Variants in PPP4R1 observed in about 807,000 individuals in gnomAD.
PPP4R1 encodes protein phosphatase 4 regulatory subunit 1, also known as serine/threonine-protein phosphatase 4 regulatory subunit 1.
Under a neutral mutation model 111.2 loss-of-function variants are expected in PPP4R1, and 42 were observed. The observed-to-expected ratio is 0.38, with a 90% confidence interval of 0.29 to 0.49. The LOEUF (loss-of-function observed/expected upper bound fraction) is 0.49, where lower values mean the gene tolerates loss of function less well. Among genes scored for constraint, PPP4R1 ranks in the 20% least tolerant of loss-of-function variants. The pLI is 0.97. For missense variants in PPP4R1, 1,012 were observed against 1,161.6 expected, an observed-to-expected ratio of 0.87 and a Z score of 1.87; for synonymous variants, 409 against 405.5, an observed-to-expected ratio of 1.01 and a Z score of -0.10.
chr18:9,562,771 G>A (rs2066699379), intron 12 of PPP4R1, among the ~76,000 whole-genome samples: 1 of 152,126 alleles, frequency 6.6e-6, no homozygotes, highest in Admixed American at 6.6e-5. Context: ...AATCGGTGGT[G>A]CATTCCTTCT....
At chr18:9,609,421 T>G (rs2067539618) in intron 2 of PPP4R1, among the ~76,000 whole-genome samples, 1 of 152,200 alleles carries the variant, frequency 6.6e-6, no homozygotes, top group Admixed American at 6.5e-5. Context: ...GAACTGGTTT[T>G]GAAACATGGT....
intron 8 of PPP4R1, 33 bp downstream of exon 8, chr18:9,584,482 C>T (rs747868178): frequency 3.2e-6 from 5 of 1,572,158 alleles, no homozygotes; most frequent in South Asian, 1.2e-5. Context: ...TTGTAACACA[C>T]ACTGTTTACT....
intron 13 of PPP4R1, among the ~76,000 whole-genome samples, chr18:9,561,529 G>A (rs2066677396): frequency 6.6e-6 from 1 of 152,138 alleles, no homozygotes; most frequent in Admixed American, 6.5e-5. Context: ...GATTCCGTGA[G>A]CACAGTTTCC....
At chr18:9,569,878 T>A (rs2066830997) in intron 11 of PPP4R1, among the ~76,000 whole-genome samples, 1 of 152,036 alleles carries the variant, frequency 6.6e-6, no homozygotes, top group African/African-American at 2.4e-5. Flanking sequence ...GTTTCCCAAG[T>A]TGCTAGGACT....
In PPP4R1 at chr18:9,563,462, C is replaced by T. The variant is rs1021877589; in HGVS notation, c.1662G>A (p.Leu554=). 6.2e-7 allele frequency: 1 copy of T among 1,608,208 alleles called. No homozygotes were observed. The highest frequency in any genetic ancestry group is 8.5e-7 in the Non-Finnish European group (1 of 1,175,004). The change falls in exon 12 of 20, where the codon TTG becomes TTA. Residue 554 remains leucine (L), a synonymous_variant. Coordinates refer to ENST00000400556, the MANE Select transcript of PPP4R1 (RefSeq NM_001042388.3). ...ETISIEKRSD[L]QDELDINELP... ...GCTCATTTATATCCAGTTCATCTTG[C>T]AAATCACTTCTCTTTTCTATACTGA...
chr18:9,563,762 G>T, intron 11 of PPP4R1: 1 of 428,028 alleles, frequency 2.3e-6, no homozygotes, highest in Non-Finnish European at 4.1e-6. Context: ...GATTAAAAAT[G>T]TTTATCTGCT....
chr18:9,610,841 T>C (rs2067566487), intron 2 of PPP4R1, among the ~76,000 whole-genome samples: 1 of 149,820 alleles, frequency 6.7e-6, no homozygotes, highest in Admixed American at 6.7e-5. Context: ...TAAGTTCTAA[T>C]GAAACTCCTT....
At position 9,579,517 on chromosome 18, in the gene PPP4R1, C is replaced by CGTGTGTGTGT. The variant is rs3974278; in HGVS notation, c.919-2336_919-2327dup. On this transcript the variant is annotated intron_variant, in intron 9 of 19. Transcript: ENST00000400556. The stretch of plus-strand genomic sequence containing the variant: ...CACCTAAATAGGCATAGGATTTACA[C>CGTGTGTGTGT]GTGTGTGTGTGTGTGTGTGTGTGTG... 9.4e-3 allele frequency among the ~76,000 whole-genome samples: 1,389 copies of CGTGTGTGTGT among 147,844 alleles called. 11 individuals are homozygous for CGTGTGTGTGT. Among genetic ancestry groups the CGTGTGTGTGT allele is most frequent in the African/African-American group, 0.027 (1,082 of 40,006 alleles).
In PPP4R1 at chr18:9,577,081, T is replaced by A. The variant is rs894561682; in HGVS notation, c.1029A>T (p.Ser343=). 4.5e-6 allele frequency: 7 copies of A among 1,569,452 alleles called. No homozygotes were observed. The highest frequency in any genetic ancestry group is 6.0e-6 in the Non-Finnish European group (7 of 1,158,374). ...KEESKSSEEM[S]VENKNRTRDQ... is the part of the protein sequence containing the mutation. ...AATTATACCTATTTTTGTTTTCTAC[T>A]GACATCTCTTCTGAACTTTTGCTTT... The change falls in exon 10 of 20, where the codon TCA becomes TCT. Residue 343 remains serine (S), a synonymous_variant. Coordinates refer to ENST00000400556, the MANE Select transcript of PPP4R1 (RefSeq NM_001042388.3).
At chr18:9,595,201 T>C (rs770588021) in intron 2 of PPP4R1, 48 bp from the exon 3 acceptor site, 1 of 1,584,066 alleles carries the variant, frequency 6.3e-7, no homozygotes, top group Non-Finnish European at 8.6e-7. Flanking sequence ...GAAACTAAAA[T>C]GTACCCCTTG....
chr18:9,591,346 C>CG (rs112843843), intron 4 of PPP4R1, among the ~76,000 whole-genome samples: 1 of 127,886 alleles, frequency 7.8e-6, no homozygotes, highest in African/African-American at 2.8e-5. Flanking sequence ...GACTCCATCT[C>CG]CAAAAAAAAA....
At position 9,563,398 on chromosome 18, in the gene PPP4R1, A is replaced by C; in HGVS notation, c.1726T>G (p.Leu576Val). ...GTTACCTCAACAGCATCGCTGATTAAAGGCACAGAATCTTCTTGATTTATT... is the reference window on the plus strand; with the variant it reads ...GTTACCTCAACAGCATCGCTGATTACAGGCACAGAATCTTCTTGATTTATT... The part of the protein sequence containing the change: ...CKINQEDSVP[L>V]ISDAVENMDS... Residue 576 changes from leucine to valine, a missense_variant, in exon 12 of 20, where the codon TTA becomes GTA. Physicochemically the swap from Leu to Val is conservative, Grantham distance 32. Coordinates refer to ENST00000400556, the MANE Select transcript of PPP4R1 (RefSeq NM_001042388.3). The C allele has an allele frequency of 6.2e-7, 1 of 1,612,458 alleles. No individual in the cohort carries two copies. Among genetic ancestry groups the C allele is most frequent in the South Asian group, 1.1e-5 (1 of 90,842 alleles).
chr18:9,584,217 G>C (rs2067078116), intron 8 of PPP4R1, among the ~76,000 whole-genome samples: 1 of 152,106 alleles, frequency 6.6e-6, no homozygotes. Context: ...ACATTCTTGA[G>C]GGTTGCAATA....
chr18:9,588,363 A>G lies in PPP4R1; in HGVS notation c.439-128T>C, dbSNP rs2067155341. 8 of 1,009,678 alleles carry G rather than the reference A, an allele frequency of 7.9e-6. No individual in the cohort carries two copies. In the East Asian group the frequency reaches 1.8e-4, roughly 23 times the overall value. 62.5% of individuals were successfully genotyped at this position (1,009,678 alleles called of 1,614,324 possible). On this transcript the variant is annotated intron_variant, in intron 5 of 19. Transcript: ENST00000400556. ...AACTGGCAAAACTCCGCAAATAAAT[A>G]TTTGTGTTTATTTTCTTCAACTATT...
upstream of PPP4R1, among the ~76,000 whole-genome samples, chr18:9,616,063 C>T (rs1256470066): frequency 6.6e-6 from 1 of 152,038 alleles, no homozygotes; most frequent in Non-Finnish European, 1.5e-5. Flanking sequence ...TCTCTTCCTC[C>T]CTTGGTGAAT....
intron 11 of PPP4R1, among the ~76,000 whole-genome samples, chr18:9,569,087 T>G (rs1272787028): frequency 1.3e-5 from 2 of 149,674 alleles, no homozygotes; most frequent in Non-Finnish European, 3.0e-5. Flanking sequence ...TCCCAGCTAC[T>G]CGGGAAGCTG....
At chr18:9,594,815 C>G in intron 3 of PPP4R1, 1 of 466,834 alleles carries the variant, frequency 2.1e-6, no homozygotes, top group Non-Finnish European at 3.5e-6. Context: ...TTTTTTTTTG[C>G]AAAGAAAGCA....
intron 2 of PPP4R1, among the ~76,000 whole-genome samples, chr18:9,611,562 G>C (rs936782982): frequency 2.0e-5 from 3 of 152,118 alleles, no homozygotes; most frequent in African/African-American, 7.2e-5. Context: ...TGAATATTCT[G>C]GGTAAAGGTA....
chr18:9,569,192 A>G (rs866337439), intron 11 of PPP4R1, among the ~76,000 whole-genome samples: 34 of 138,884 alleles, frequency 2.4e-4, no homozygotes, highest in Admixed American at 1.1e-3. Context: ...TCCGTCTCAG[A>G]AAAAAAAAAA....
Sources: allele counts gnomAD v4.1 joint callset (sites outside exome capture counted in the v4.1 genomes callset), GRCh38; gene constraint gnomAD v4.1.1; transcripts MANE v1.5; gene names NCBI Gene and HGNC (gene_info 2026-07-23, HGNC 2026-07-21).